VRK1: variants seen among roughly 807,000 people sequenced by gnomAD.
The protein encoded by VRK1 is VRK serine/threonine kinase 1, also known as serine/threonine-protein kinase VRK1.
Under a neutral mutation model 57.1 loss-of-function variants are expected in VRK1, and 33 were observed. The ratio of observed to expected loss-of-function variants is 0.58; its 90% CI spans 0.44 to 0.77. The LOEUF (loss-of-function observed/expected upper bound fraction) is 0.77. VRK1 is among the 30% of genes least tolerant of loss of function. VRK1 has a pLI of 0.00. For synonymous variants in VRK1, 137 were observed against 147.8 expected (o/e 0.93, Z 0.53); for missense variants, 413 against 477.3 (o/e 0.87, Z 1.25).
At position 96,860,688 on chromosome 14, in the gene VRK1, C is replaced by T. The variant is rs139734064; in HGVS notation, c.1021C>T (p.Leu341Phe). The T allele has an allele frequency of 9.9e-5, 159 of 1,613,232 alleles. No individual in the cohort carries two copies. In the African/African-American group the frequency reaches 1.7e-3, roughly 18 times the overall value. Reference sequence around the variant, plus strand: ...AAGTAAGGATGATGGCAAATTGGACCTCAGTGTTGTGGAGAATGGAGGTTT... The same window carrying T: ...AAGTAAGGATGATGGCAAATTGGACTTCAGTGTTGTGGAGAATGGAGGTTT... The part of the protein sequence containing the change: ...IGSKDDGKLD[L>F]SVVENGGLKA... Residue 341 changes from leucine to phenylalanine, a missense_variant, in exon 11 of 13, where the codon CTC becomes TTC. Leu to Phe is a conservative substitution (Grantham distance 22). Around this residue, in one of 3 missense-constraint regions of VRK1, gnomAD observed 146 missense variants for 138.2 expected, o/e 1.06. Transcript: ENST00000216639.
At chr14:96,874,345 G>T (rs999164369) in intron 11 of VRK1, among the ~76,000 whole-genome samples, 4 of 152,164 alleles carry the variant, frequency 2.6e-5, no homozygotes, top group Non-Finnish European at 5.9e-5. Context: ...AGTGCAGTTT[G>T]CATATGGAAG....
chr14:96,877,460 CTT>C (rs1006571419), intron 12 of VRK1: 63 of 1,282,434 alleles, frequency 4.9e-5, no homozygotes, highest in Non-Finnish European at 6.0e-5. Flanking sequence ...TCGCTACTGT[CTT>C]TTTTCCTCCT....
At chr14:96,851,127 T>C (rs1363321107) in intron 5 of VRK1, among the ~76,000 whole-genome samples, 1 of 152,012 alleles carries the variant, frequency 6.6e-6, no homozygotes, top group Non-Finnish European at 1.5e-5. Context: ...TGAATGAATA[T>C]ATTTTGTCAC....
intron 1 of VRK1, among the ~76,000 whole-genome samples, chr14:96,818,220 C>T (rs1886465873): frequency 6.6e-6 from 1 of 152,304 alleles, no homozygotes; most frequent in African/African-American, 2.4e-5. Context: ...AAAACTAACT[C>T]TGCAGTTAGT....
At chr14:96,824,309 T>C (rs1886716399) in intron 1 of VRK1, among the ~76,000 whole-genome samples, 1 of 152,220 alleles carries the variant, frequency 6.6e-6, no homozygotes, top group South Asian at 2.1e-4. Flanking sequence ...TCAAATTGCC[T>C]AGGACTGTGA....
chr14:96,810,450 C>G (rs962206296), intron 1 of VRK1, among the ~76,000 whole-genome samples: 3 of 152,108 alleles, frequency 2.0e-5, no homozygotes, highest in African/African-American at 4.8e-5. Context: ...TTTTGCCTTT[C>G]AGATTTAGGT....
chr14:96,814,878 T>A (rs1886334024), intron 1 of VRK1, among the ~76,000 whole-genome samples: 1 of 152,224 alleles, frequency 6.6e-6, no homozygotes, highest in Non-Finnish European at 1.5e-5. Flanking sequence ...CCATGCTTCA[T>A]TTAATATTAT....
chr14:96,838,024 C>G (rs1020012255), intron 3 of VRK1, among the ~76,000 whole-genome samples: 3 of 151,994 alleles, frequency 2.0e-5, no homozygotes, highest in Non-Finnish European at 4.4e-5. Flanking sequence ...TAAAGTGGCA[C>G]TGGTATTCGG....
At chr14:96,797,607 G>T (rs1479448557) in intron 1 of VRK1, among the ~76,000 whole-genome samples, 160 bp downstream of exon 1, 1 of 151,994 alleles carries the variant, frequency 6.6e-6, no homozygotes, top group Non-Finnish European at 1.5e-5. Flanking sequence ...CCGCGGGACC[G>T]CGCTCCGCCG....
intron 11 of VRK1, among the ~76,000 whole-genome samples, chr14:96,871,027 T>C (rs527420558): frequency 5.9e-5 from 9 of 152,326 alleles, no homozygotes; most frequent in African/African-American, 1.9e-4. Context: ...ATGGTTTTTT[T>C]CCTCCATTTA....
intron 11 of VRK1, among the ~76,000 whole-genome samples, chr14:96,861,353 A>C (rs943577483): frequency 6.6e-6 from 1 of 152,106 alleles, no homozygotes; most frequent in African/African-American, 2.4e-5. Context: ...TAACTTACTG[A>C]TTTGCTATTG....
At chr14:96,874,423 A>G (rs1888944714) in intron 11 of VRK1, among the ~76,000 whole-genome samples, 2 of 152,308 alleles carry the variant, frequency 1.3e-5, no homozygotes, top group South Asian at 4.1e-4. Context: ...GTATGTAATT[A>G]TCGAACCAAT....
Position 96,879,242 on chromosome 14 carries a change from AG to A in VRK1, c.1160-1934del, listed in dbSNP as rs536888934. Among the ~76,000 whole-genome samples, 227 of 138,126 alleles carry A rather than the reference AG, an allele frequency of 1.6e-3. 10 individuals carry two copies. In the South Asian group the frequency reaches 0.051, roughly 31 times the overall value. The allele number at this position is 138,126 out of a possible 152,430, so 90.6% of individuals were successfully genotyped here. On this transcript the variant is annotated intron_variant, in intron 12 of 12. Coordinates refer to ENST00000216639, the MANE Select transcript of VRK1 (RefSeq NM_003384.3). ...ATATATTTAATTAAAGAGATAAGGT[AG>A]TTTTTTTTGTAACAATCAGAATTGA...
chr14:96,822,529 C>T (rs747176325), intron 1 of VRK1, among the ~76,000 whole-genome samples: 14 of 152,144 alleles, frequency 9.2e-5, no homozygotes, highest in Non-Finnish European at 1.6e-4. Context: ...CCATTCCTAT[C>T]GTGAGGTGAC....
intron 3 of VRK1, among the ~76,000 whole-genome samples, chr14:96,840,669 G>C (rs1260053098): frequency 6.6e-6 from 1 of 152,128 alleles, no homozygotes; most frequent in Non-Finnish European, 1.5e-5. Flanking sequence ...TAGGAGTTCT[G>C]TTGTGAGAAG....
At chr14:96,849,631 T>G (rs571259064) in intron 5 of VRK1, among the ~76,000 whole-genome samples, 2 of 152,296 alleles carry the variant, frequency 1.3e-5, no homozygotes, top group South Asian at 4.1e-4. Context: ...ACTGTGAAGA[T>G]GAATTGAAAA....
chr14:96,797,655 G>C (rs1885487956), intron 1 of VRK1, among the ~76,000 whole-genome samples: 1 of 152,098 alleles, frequency 6.6e-6, no homozygotes, highest in South Asian at 2.1e-4. Flanking sequence ...CTCCTTCCTT[G>C]TCTCGTTCAG....
chr14:96,805,010 A>T (rs954384906), intron 1 of VRK1, among the ~76,000 whole-genome samples: 2 of 152,226 alleles, frequency 1.3e-5, no homozygotes, highest in Non-Finnish European at 2.9e-5. Flanking sequence ...GACATTTCTT[A>T]CCAGGCCTGA....
chr14:96,865,819 T>C (rs1230303526), intron 11 of VRK1, among the ~76,000 whole-genome samples: 2 of 152,070 alleles, frequency 1.3e-5, no homozygotes, highest in African/African-American at 4.8e-5. Flanking sequence ...GTCATCTGAT[T>C]GTCAGATATG....
Sources: allele counts gnomAD v4.1 joint callset (sites outside exome capture counted in the v4.1 genomes callset), GRCh38; gene constraint gnomAD v4.1.1; regional missense constraint gnomAD v4.1.1; transcripts MANE v1.5; gene names NCBI Gene and HGNC (gene_info 2026-07-23, HGNC 2026-07-21).